The following FBXO5 variants were observed in gnomAD, a reference collection of about 807,000 sequenced individuals.
The protein encoded by FBXO5 is F-box only protein 5.
In FBXO5, 8 loss-of-function variants were observed where a neutral mutation model predicts 43.3. The ratio of observed to expected loss-of-function variants is 0.18; its 90% CI spans 0.11 to 0.33. The LOEUF (loss-of-function observed/expected upper bound fraction) is 0.33, where lower values mean the gene tolerates loss of function less well. Among genes scored for constraint, FBXO5 ranks in the 10% least tolerant of loss-of-function variants. The pLI, the probability that FBXO5 is intolerant of heterozygous loss-of-function variation, is 1.00. For missense variants in FBXO5, 491 were observed against 535.7 expected, an observed-to-expected ratio of 0.92 and a Z score of 0.82; for synonymous variants, 204 against 193.7, an observed-to-expected ratio of 1.05 and a Z score of -0.44.
In FBXO5 at chr6:152,974,955, T is replaced by A; in HGVS notation, c.770A>T (p.His257Leu). The A allele has an allele frequency of 6.2e-7, 1 of 1,611,334 alleles. No homozygotes were observed. The highest frequency in any genetic ancestry group is 1.1e-5 in the South Asian group (1 of 90,472). Residue 257 changes from histidine to leucine, a missense_variant, in exon 2 of 5, where the codon CAT becomes CTT. By Grantham distance (99) the His-to-Leu change is moderately conservative (BLOSUM62 -3). Coordinates refer to ENST00000229758, the MANE Select transcript of FBXO5 (RefSeq NM_012177.5). Reference sequence around the variant, plus strand: ...TTGTGCTAAAATAGTTGCTAAGACATGTCTGAGTCCCCTTCGAAAGAGTTC... The same window carrying A: ...TTGTGCTAAAATAGTTGCTAAGACAAGTCTGAGTCCCCTTCGAAAGAGTTC... ...LSELFRRGLR[H>L]VLATILAQLS...
intron 2 of FBXO5, chr6:152,974,020 C>T (rs751240963): frequency 4.0e-5 from 6 of 151,072 alleles, no homozygotes; most frequent in Non-Finnish European, 8.8e-5. Flanking sequence ...TTCTAGCCTG[C>T]ATAATCACCT....
In FBXO5 at chr6:152,975,284, A is replaced by G. The variant is rs1290167803; in HGVS notation, c.441T>C (p.Tyr147=). 6.2e-7 allele frequency: 1 copy of G among 1,614,206 alleles called. No individual in the cohort carries two copies. Among genetic ancestry groups the G allele is most frequent in the East Asian group, 2.2e-5 (1 of 44,888 alleles). ...ETSRLYEDSG[Y]SSFSLQSGLS... ...GGCCACTTTGTAGAGAAAATGAGGA[A>G]TAGCCACTGTCTTCATAAAGTCTAC... Residue 147 remains tyrosine, a synonymous_variant, in exon 2 of 5, where the codon TAT becomes TAC. Coordinates refer to ENST00000229758, the MANE Select transcript of FBXO5 (RefSeq NM_012177.5).
Position 152,972,986 on chromosome 6 carries a change from A to G in FBXO5, c.909+60T>C, listed in dbSNP as rs375664979. On this transcript the variant is annotated intron_variant, in intron 3 of 4. Transcript: ENST00000229758. ...TTCCAGATTACCTCTTTTCTTTTCTATTTCTAGAAGAGCACTAACAGTGCA... is the reference window on the plus strand; with the variant it reads ...TTCCAGATTACCTCTTTTCTTTTCTGTTTCTAGAAGAGCACTAACAGTGCA... The G allele has an allele frequency of 7.5e-5, 102 of 1,359,954 alleles. No homozygotes were observed. The African/African-American group carries it at 9.8e-4, about 13-fold the overall frequency. The allele number at this position is 1,359,954 out of a possible 1,614,324, so 84.2% of individuals were successfully genotyped here. A position where few individuals can be genotyped will look rare whatever the true frequency, so the allele number is the denominator to read the frequency against.
chr6:152,972,514 C>A (rs1778103171), intron 3 of FBXO5, 60 bp from the exon 4 acceptor site: 1 of 1,178,390 alleles, frequency 8.5e-7, no homozygotes. Context: ...CTCAATGAGA[C>A]ATTTTTATGT....
At chr6:152,973,260 C>G (rs1264384355) in intron 2 of FBXO5, 124 bp from the exon 3 acceptor site, 2 of 736,272 alleles carry the variant, frequency 2.7e-6, no homozygotes, top group Admixed American at 2.4e-5. Context: ...TCAAACCTGA[C>G]CACATTACAA....
In FBXO5 at chr6:152,971,091, A is replaced by AT. The variant is rs397784317; in HGVS notation, c.*71dup. On this transcript the variant is annotated 3_prime_UTR_variant, in exon 5 of 5. Transcript: ENST00000229758. ...ACATAAAATTGAAAATCACAATACA[A>AT]TTTTTTTTAAGTTAAAACCTAACAT... 250,885 of 1,436,962 alleles carry AT rather than the reference A, an allele frequency of 0.17. 22,247 individuals are homozygous for AT. The highest frequency in any genetic ancestry group is 0.29 in the African/African-American group (20,090 of 69,818). The allele number at this position is 1,436,962 out of a possible 1,614,324, so 89.0% of individuals were successfully genotyped here.
Position 152,973,088 on chromosome 6 carries a change from C to T in FBXO5, c.867G>A (p.Lys289=), listed in dbSNP as rs140496847. ...CTTTACTGTACAACTGGAATGCCCC[C>T]TTATCATCTTCTAGGATCTTCTTCC... ...TTWKKILEDD[K]GAFQLYSKAI... Residue 289 remains lysine, a synonymous_variant, in exon 3 of 5, where the codon AAG becomes AAA. Coordinates refer to ENST00000229758, the MANE Select transcript of FBXO5 (RefSeq NM_012177.5). 1.2e-4 allele frequency: 195 copies of T among 1,613,950 alleles called. 2 individuals are homozygous for T. In the African/African-American group the frequency reaches 1.4e-3, roughly 12 times the overall value.
intron 2 of FBXO5, 132 bp from the exon 3 acceptor site, chr6:152,973,268 C>G: frequency 1.5e-6 from 1 of 689,584 alleles, no homozygotes; most frequent in Non-Finnish European, 2.4e-6. Context: ...GACCACATTA[C>G]AATTGCCTGG....
rs1778077456 is a variant in FBXO5 at position 152,971,031 on chromosome 6, G to A, written c.*132C>T. ...GTTGTCTATCCTCTTTATCTTCTGG[G>A]GGGAAAAAAACCTCAGGATACTACA... On this transcript the variant is annotated 3_prime_UTR_variant, in exon 5 of 5. Transcript: ENST00000229758. The A allele has an allele frequency of 1.3e-6, 1 of 784,426 alleles. No individual in the cohort carries two copies. Among genetic ancestry groups the A allele is most frequent in the East Asian group, 2.9e-5 (1 of 34,196 alleles). The allele number at this position is 784,426 out of a possible 1,614,324, so 48.6% of individuals were successfully genotyped here. A position where few individuals can be genotyped will look rare whatever the true frequency, so the allele number is the denominator to read the frequency against.
At chr6:152,983,312 T>G (rs564354160), upstream of FBXO5, 4 of 232,470 alleles carry the variant, frequency 1.7e-5, no homozygotes, top group Non-Finnish European at 3.3e-5. Context: ...CGGCCACACG[T>G]GTGGAGGGTC....
rs1191830274 is a variant in FBXO5 at position 152,970,542 on chromosome 6, G to A, written c.*621C>T. On this transcript the variant is annotated 3_prime_UTR_variant, in exon 5 of 5. Transcript: ENST00000229758. ...TATACATTAAGCTTACAATTTTATT[G>A]AGCAAAATTTATTTTTATATGTACA... 1 of 152,132 alleles carries A rather than the reference G, an allele frequency of 6.6e-6. No individual in the cohort carries two copies. The highest frequency in any genetic ancestry group is 2.1e-4 in the South Asian group (1 of 4,828). 9.4% of individuals were successfully genotyped at this position (152,132 alleles called of 1,614,324 possible).
rs1372149072 is a variant in FBXO5, at chr6:152,982,829, CCCCCTCGCGACCGCT to C, written c.103+13_103+27del. The C allele has an allele frequency of 8.3e-6, 12 of 1,448,456 alleles. No individual in the cohort carries two copies. The highest frequency in any genetic ancestry group is 1.1e-5 in the Non-Finnish European group (12 of 1,095,204). 89.7% of individuals were successfully genotyped at this position (1,448,456 alleles called of 1,614,324 possible). On this transcript the variant is annotated intron_variant, in intron 1 of 4. Coordinates refer to ENST00000229758, the MANE Select transcript of FBXO5 (RefSeq NM_012177.5). ...CGTGCACCCCTCCTGGCGTGCGCGC[CCCCCTCGCGACCGCT>C]CCCCTCACTCACTATCCGAGGGTCG...
chr6:152,974,649 T>C (rs768096859), intron 2 of FBXO5, among the ~76,000 whole-genome samples: 31 of 152,232 alleles, frequency 2.0e-4, no homozygotes, highest in Non-Finnish European at 4.0e-4. Flanking sequence ...AACTTTTGAA[T>C]GCTGACATGA....
intron 1 of FBXO5, among the ~76,000 whole-genome samples, chr6:152,979,166 TTAAC>T (rs1319367833): frequency 6.6e-6 from 1 of 152,220 alleles, no homozygotes; most frequent in Admixed American, 6.5e-5. Context: ...TGTTGCATTA[TTAAC>T]TAAAATCCCT....
At chr6:152,982,198 G>T (rs951218527) in intron 1 of FBXO5, among the ~76,000 whole-genome samples, 5 of 152,196 alleles carry the variant, frequency 3.3e-5, no homozygotes, top group African/African-American at 1.2e-4. Flanking sequence ...GAGTTGGGGG[G>T]GTGTCTCTCC....
intron 1 of FBXO5, among the ~76,000 whole-genome samples, chr6:152,978,008 T>A (rs1251385112): frequency 6.6e-6 from 1 of 152,194 alleles, no homozygotes; most frequent in African/African-American, 2.4e-5. Context: ...GGGGAATTGT[T>A]ATTTTTACAA....
At chr6:152,972,481 AT>A in intron 3 of FBXO5, 27 bp from the exon 4 acceptor site, 1 of 1,480,172 alleles carries the variant, frequency 6.8e-7, no homozygotes. Context: ...TTTTAATAGA[AT>A]TTAGAAATTA....
chr6:152,973,001 C>A, intron 3 of FBXO5, 45 bp downstream of exon 3: 1 of 1,469,534 alleles, frequency 6.8e-7, no homozygotes, highest in Non-Finnish European at 9.5e-7. Flanking sequence ...TAGAAGAGCA[C>A]TAACAGTGCA....
chr6:152,970,535 T>A lies in FBXO5; in HGVS notation c.*628A>T, dbSNP rs1027557098. ...TAAAAGGTATACATTAAGCTTACAATTTTATTGAGCAAAATTTATTTTTAT... is the reference window on the plus strand; with the variant it reads ...TAAAAGGTATACATTAAGCTTACAAATTTATTGAGCAAAATTTATTTTTAT... On this transcript the variant is annotated 3_prime_UTR_variant, in exon 5 of 5. Coordinates refer to ENST00000229758, the MANE Select transcript of FBXO5 (RefSeq NM_012177.5). The A allele has an allele frequency of 6.6e-6, 1 of 152,234 alleles. No homozygotes were observed. The highest frequency in any genetic ancestry group is 6.5e-5 in the Admixed American group (1 of 15,280). The allele number at this position is 152,234 out of a possible 1,614,324, so 9.4% of individuals were successfully genotyped here.
Sources: allele counts gnomAD v4.1 joint callset (sites outside exome capture counted in the v4.1 genomes callset), GRCh38; gene constraint gnomAD v4.1.1; transcripts MANE v1.5; gene names NCBI Gene and HGNC (gene_info 2026-07-23, HGNC 2026-07-21).